The following APOE variants were observed in gnomAD, a reference collection of about 807,000 sequenced individuals.
APOE encodes apolipoprotein E.
In APOE, 10 loss-of-function variants were observed where a neutral mutation model predicts 13.1. The ratio of observed to expected loss-of-function variants is 0.76; its 90% CI spans 0.47 to 1.29. The LOEUF (loss-of-function observed/expected upper bound fraction) is 1.29, where lower values mean the gene tolerates loss of function less well. Among genes scored for constraint, APOE ranks in the 50% most tolerant of loss-of-function variants. The pLI is 0.00. For missense variants in APOE, 471 were observed against 459.6 expected (o/e 1.02, Z -0.23); for synonymous variants, 211 against 207.1 (o/e 1.02, Z -0.16).
rs1360849111 is a variant in APOE, at chr19:44,909,031, C to T, written c.735C>T (p.Asp245=). The change falls in exon 4 of 4, where the codon GAC becomes GAT. Residue 245 remains aspartate (D), a synonymous_variant. Coordinates refer to ENST00000252486, the MANE Select transcript of APOE (RefSeq NM_000041.4). ...AGGAGATGGGCAGCCGGACCCGCGACCGCCTGGACGAGGTGAAGGAGCAGG... is the reference window on the plus strand; with the variant it reads ...AGGAGATGGGCAGCCGGACCCGCGATCGCCTGGACGAGGTGAAGGAGCAGG... ...RMEEMGSRTR[D]RLDEVKEQVA... 6.5e-7 allele frequency: 1 copy of T among 1,544,718 alleles called. No homozygotes were observed. Among genetic ancestry groups the T allele is most frequent in the African/African-American group, 1.4e-5 (1 of 73,378 alleles).
At chr19:44,906,244 C>T in intron 1 of APOE, 1 of 392,828 alleles carries the variant, frequency 2.5e-6, no homozygotes, top group East Asian at 5.6e-5. Flanking sequence ...ATAAATGGAA[C>T]ACGGCGCTTA....
intron 1 of APOE, 189 bp downstream of exon 1, chr19:44,906,030 C>G (rs1483094554): frequency 1.3e-6 from 1 of 793,800 alleles, no homozygotes; most frequent in Non-Finnish European, 1.7e-6. Context: ...CAGAGACGAC[C>G]CGACCCGCTA....
chr19:44,908,634 A>AG lies in APOE; in HGVS notation c.340dup (p.Glu114GlyfsTer51). 1.2e-6 allele frequency: 2 copies of AG among 1,604,498 alleles called. No individual in the cohort carries two copies. Among genetic ancestry groups the AG allele is most frequent in the Non-Finnish European group, 1.7e-6 (2 of 1,175,512 alleles). ...GAGGAGACGCGGGCACGGCTGTCCA[A>AG]GGAGCTGCAGGCGGCGCAGGCCCGG... On this transcript the variant is annotated frameshift_variant, in exon 4 of 4. Transcript: ENST00000252486. LOFTEE classifies it low-confidence loss of function (END_TRUNC).
In APOE at chr19:44,908,687, G is replaced by T. The variant is rs1458301734; in HGVS notation, c.391G>T (p.Gly131Cys). The T allele has an allele frequency of 8.9e-6, 14 of 1,567,144 alleles. No homozygotes were observed. Among genetic ancestry groups the T allele is most frequent in the Non-Finnish European group, 1.0e-5 (12 of 1,156,606 alleles). ...GGGCGCGGACATGGAGGACGTGTGC[G>T]GCCGCCTGGTGCAGTACCGCGGCGA... The part of the protein sequence containing the change: ...RLGADMEDVC[G>C]RLVQYRGEVQ... Residue 131 changes from glycine to cysteine, a missense_variant, in exon 4 of 4, where the codon GGC becomes TGC. By Grantham distance (159) the Gly-to-Cys change is radical. Coordinates refer to ENST00000252486, the MANE Select transcript of APOE (RefSeq NM_000041.4).
In APOE at chr19:44,907,545, C is replaced by T. The variant is rs1190593482; in HGVS notation, c.44-215C>T. 6.6e-6 allele frequency among the ~76,000 whole-genome samples: 1 copy of T among 152,150 alleles called. No individual in the cohort carries two copies. The highest frequency in any genetic ancestry group is 6.5e-5 in the Admixed American group (1 of 15,274). ...CCAGAAGGTCAAGGTTGCAGTGAACCATGTTCAGGCCGCTGCACTCCAGCC... is the reference window on the plus strand; with the variant it reads ...CCAGAAGGTCAAGGTTGCAGTGAACTATGTTCAGGCCGCTGCACTCCAGCC... On this transcript the variant is annotated intron_variant, in intron 2 of 3. Coordinates refer to ENST00000252486, the MANE Select transcript of APOE (RefSeq NM_000041.4). This position sits in a 1 kb window ranked among gnomAD's most constrained non-coding sequence, Gnocchi z 4.1.
At chr19:44,908,076 C>G in intron 3 of APOE, 124 bp downstream of exon 3, 1 of 912,550 alleles carries the variant, frequency 1.1e-6, no homozygotes, top group East Asian at 2.6e-5. Context: ...TTCTAGCTTC[C>G]TCTTCCCATT....
rs387906568 is a variant in APOE, at chr19:44,909,020, C to T, written c.724C>T (p.Arg242Trp). 1.3e-6 allele frequency: 2 copies of T among 1,539,050 alleles called. No homozygotes were observed. Among genetic ancestry groups the T allele is most frequent in the Admixed American group, 2.0e-5 (1 of 51,054 alleles). ...LRARMEEMGS[R>W]TRDRLDEVKE... ...CGCGCGGATGGAGGAGATGGGCAGC[C>T]GGACCCGCGACCGCCTGGACGAGGT... Residue 242 changes from arginine to tryptophan, a missense_variant, in exon 4 of 4, where the codon CGG becomes TGG. Physicochemically the swap from Arg to Trp is moderately radical, Grantham distance 101. Transcript: ENST00000252486.
At position 44,909,010 on chromosome 19, in the gene APOE, G is replaced by T. The variant is rs892532644; in HGVS notation, c.714G>T (p.Glu238Asp). The T allele has an allele frequency of 2.6e-6, 4 of 1,537,006 alleles. No homozygotes were observed. The African/African-American group carries it at 5.5e-5, about 21-fold the overall frequency. Residue 238 changes from glutamate to aspartate, a missense_variant, in exon 4 of 4, where the codon GAG becomes GAT. Glu to Asp is a conservative substitution (Grantham distance 45). Transcript: ENST00000252486. ...WGERLRARME[E>D]MGSRTRDRLD... Reference sequence around the variant, plus strand: ...AGCGGCTGCGCGCGCGGATGGAGGAGATGGGCAGCCGGACCCGCGACCGCC... The same window carrying T: ...AGCGGCTGCGCGCGCGGATGGAGGATATGGGCAGCCGGACCCGCGACCGCC...
Position 44,907,730 on chromosome 19 carries a change from C to G in APOE, c.44-30C>G. 1 of 1,584,056 alleles carries G rather than the reference C, an allele frequency of 6.3e-7. No individual in the cohort carries two copies. Among genetic ancestry groups the G allele is most frequent in the Non-Finnish European group, 8.6e-7 (1 of 1,168,480 alleles). ...GATGCCTGGACGGGGTCAGAAGGACCCTGACCCACCTTGAACTTGTTCCAC... is the reference window on the plus strand; with the variant it reads ...GATGCCTGGACGGGGTCAGAAGGACGCTGACCCACCTTGAACTTGTTCCAC... On this transcript the variant is annotated intron_variant, in intron 2 of 3. Coordinates refer to ENST00000252486, the MANE Select transcript of APOE (RefSeq NM_000041.4). This position sits in a 1 kb window ranked among gnomAD's most constrained non-coding sequence, Gnocchi z 4.1.
chr19:44,907,919 A>T lies in APOE; in HGVS notation c.203A>T (p.Glu68Val), dbSNP rs1184253344. 1.2e-6 allele frequency: 2 copies of T among 1,613,438 alleles called. No homozygotes were observed. The part of the protein sequence containing the change: ...VQTLSEQVQE[E>V]LLSSQVTQEL... ...ACACTGTCTGAGCAGGTGCAGGAGG[A>T]GCTGCTCAGCTCCCAGGTCACCCAG... Residue 68 changes from glutamate to valine, a missense_variant, in exon 3 of 4, where the codon GAG becomes GTG. Physicochemically the swap from Glu to Val is moderately radical, Grantham distance 121. Transcript: ENST00000252486. This position sits in a 1 kb window ranked among gnomAD's most constrained non-coding sequence, Gnocchi z 4.1.
In APOE at chr19:44,907,854, G is replaced by A. The variant is rs761381769; in HGVS notation, c.138G>A (p.Leu46=). 9 of 1,613,920 alleles carry A rather than the reference G, an allele frequency of 5.6e-6. No homozygotes were observed. The highest frequency in any genetic ancestry group is 1.3e-5 in the African/African-American group (1 of 74,940). ...TEWQSGQRWE[L]ALGRFWDYLR... The stretch of plus-strand genomic sequence containing the variant: ...GGCAGAGCGGCCAGCGCTGGGAACT[G>A]GCACTGGGTCGCTTTTGGGATTACC... Residue 46 remains leucine (L), a synonymous_variant, in exon 3 of 4, where the codon CTG becomes CTA. Transcript: ENST00000252486. The surrounding 1 kb of genome is among the most constrained non-coding windows in gnomAD (Gnocchi z 4.1).
In APOE at chr19:44,907,931, C is replaced by T. The variant is rs1969840702; in HGVS notation, c.215C>T (p.Ser72Phe). The change falls in exon 3 of 4, where the codon TCC (serine) becomes TTC (phenylalanine). Residue 72 changes from serine to phenylalanine, a missense_variant. Coordinates refer to ENST00000252486, the MANE Select transcript of APOE (RefSeq NM_000041.4). The surrounding 1 kb of genome is among the most constrained non-coding windows in gnomAD (Gnocchi z 4.1). ...CAGGTGCAGGAGGAGCTGCTCAGCT[C>T]CCAGGTCACCCAGGAACTGAGGTGA... ...SEQVQEELLS[S>F]QVTQELRALM... 1.2e-6 allele frequency: 2 copies of T among 1,613,424 alleles called. No homozygotes were observed. Among genetic ancestry groups the T allele is most frequent in the Admixed American group, 1.7e-5 (1 of 59,988 alleles).
At position 44,907,629 on chromosome 19, in the gene APOE, G is replaced by A. The variant is rs1307012197; in HGVS notation, c.44-131G>A. On this transcript the variant is annotated intron_variant, in intron 2 of 3. Coordinates refer to ENST00000252486, the MANE Select transcript of APOE (RefSeq NM_000041.4). The surrounding 1 kb of genome is among the most constrained non-coding windows in gnomAD (Gnocchi z 4.1). ...ATAATGCTTTCCAAGTGATTAAACCGACTCCCCCCTCACCCTGCCCACCAT... is the reference window on the plus strand; with the variant it reads ...ATAATGCTTTCCAAGTGATTAAACCAACTCCCCCCTCACCCTGCCCACCAT... 28 of 774,324 alleles carry A rather than the reference G, an allele frequency of 3.6e-5. 1 individual carries two copies. The Middle Eastern group carries it at 9.4e-4, about 26-fold the overall frequency. 48.0% of individuals were successfully genotyped at this position (774,324 alleles called of 1,614,324 possible).
rs1439276876 is a variant in APOE at position 44,907,858 on chromosome 19, C to G, written c.142C>G (p.Leu48Val). The change falls in exon 3 of 4, where the codon CTG (leucine) becomes GTG (valine). Residue 48 changes from leucine to valine, a missense_variant. By Grantham distance (32) the Leu-to-Val change is conservative. Coordinates refer to ENST00000252486, the MANE Select transcript of APOE (RefSeq NM_000041.4). The surrounding 1 kb of genome is among the most constrained non-coding windows in gnomAD (Gnocchi z 4.1). ...WQSGQRWELA[L>V]GRFWDYLRWV... ...GAGCGGCCAGCGCTGGGAACTGGCACTGGGTCGCTTTTGGGATTACCTGCG... is the reference window on the plus strand; with the variant it reads ...GAGCGGCCAGCGCTGGGAACTGGCAGTGGGTCGCTTTTGGGATTACCTGCG... The G allele has an allele frequency of 2.5e-6, 4 of 1,614,072 alleles. No individual in the cohort carries two copies. The highest frequency in any genetic ancestry group is 3.4e-6 in the Non-Finnish European group (4 of 1,179,952).
At position 44,909,318 on chromosome 19, in the gene APOE, G is replaced by C. The variant is rs1599955074; in HGVS notation, c.*68G>C. On this transcript the variant is annotated 3_prime_UTR_variant, in exon 4 of 4. Coordinates refer to ENST00000252486, the MANE Select transcript of APOE (RefSeq NM_000041.4). The stretch of plus-strand genomic sequence containing the variant: ...CTCCTGCCTCCGCGCAGCCTGCAGC[G>C]GGAGACCCTGTCCCCGCCCCAGCCG... 8 of 1,460,962 alleles carry C rather than the reference G, an allele frequency of 5.5e-6. No homozygotes were observed. The East Asian group carries it at 1.8e-4, about 33-fold the overall frequency. The allele number at this position is 1,460,962 out of a possible 1,614,324, so 90.5% of individuals were successfully genotyped here.
At position 44,907,295 on chromosome 19, in the gene APOE, A is replaced by G. The variant is rs529520553; in HGVS notation, c.44-465A>G. The G allele has an allele frequency of 1.6e-5, 4 of 257,458 alleles. No homozygotes were observed. Among genetic ancestry groups the G allele is most frequent in the Admixed American group, 9.8e-5 (2 of 20,478 alleles). 15.9% of individuals were successfully genotyped at this position (257,458 alleles called of 1,614,324 possible). Reference sequence around the variant, plus strand: ...ACAGCCCTGCCTGGGGCACACAAGGACACTCAATACATGCTTTTCCGCTGG... The same window carrying G: ...ACAGCCCTGCCTGGGGCACACAAGGGCACTCAATACATGCTTTTCCGCTGG... On this transcript the variant is annotated intron_variant, in intron 2 of 3. Transcript: ENST00000252486. This position sits in a 1 kb window ranked among gnomAD's most constrained non-coding sequence, Gnocchi z 4.1.
intron 1 of APOE, chr19:44,906,286 A>G (rs184686013): frequency 6.1e-4 from 273 of 450,992 alleles, no homozygotes; most frequent in African/African-American, 5.5e-3. Flanking sequence ...ATGTGAAGGG[A>G]GAATGAGGAA....
rs11542031 is a variant in APOE at position 44,907,866 on chromosome 19, C to T, written c.150C>T (p.Arg50=). The T allele has an allele frequency of 6.2e-7, 1 of 1,614,070 alleles. No individual in the cohort carries two copies. The highest frequency in any genetic ancestry group is 8.5e-7 in the Non-Finnish European group (1 of 1,179,948). The change falls in exon 3 of 4, where the codon CGC becomes CGT. Residue 50 remains arginine, a synonymous_variant. Transcript: ENST00000252486. This position sits in a 1 kb window ranked among gnomAD's most constrained non-coding sequence, Gnocchi z 4.1. ...AGCGCTGGGAACTGGCACTGGGTCG[C>T]TTTTGGGATTACCTGCGCTGGGTGC... ...SGQRWELALG[R]FWDYLRWVQT... is the part of the protein sequence containing the mutation.
At position 44,908,607 on chromosome 19, in the gene APOE, CGGA is replaced by C; in HGVS notation, c.316_318del (p.Glu106del). The C allele has an allele frequency of 6.2e-7, 1 of 1,611,986 alleles. No individual in the cohort carries two copies. On this transcript the variant is annotated inframe_deletion, in exon 4 of 4. Transcript: ENST00000252486. The stretch of plus-strand genomic sequence containing the variant: ...CTGGAGGAACAACTGACCCCGGTGG[CGGA>C]GGAGACGCGGGCACGGCTGTCCAAG...
Sources: allele counts gnomAD v4.1 joint callset (sites outside exome capture counted in the v4.1 genomes callset), GRCh38; gene constraint gnomAD v4.1.1; non-coding constraint Gnocchi (gnomAD v3.1); transcripts MANE v1.5; gene names NCBI Gene and HGNC (gene_info 2026-07-23, HGNC 2026-07-21).